Variants in LETM2 observed in about 807,000 individuals in gnomAD.
LETM2 encodes LETM1 domain-containing protein LETM2, mitochondrial.
Under a neutral mutation model 59.6 loss-of-function variants are expected in LETM2, and 58 were observed. The ratio of observed to expected loss-of-function variants is 0.97; its 90% CI spans 0.79 to 1.21. The LOEUF is 1.21. Among genes scored for constraint, LETM2 ranks in the 50% most tolerant of loss-of-function variants. LETM2 has a pLI of 0.00. For missense variants in LETM2, 572 were observed against 575.7 expected, an observed-to-expected ratio of 0.99 and a Z score of 0.07; for synonymous variants, 199 against 214.1, an observed-to-expected ratio of 0.93 and a Z score of 0.62.
chr8:38,404,821 C>T (rs1813583923), intron 8 of LETM2: 2 of 227,616 alleles, frequency 8.8e-6, no homozygotes, highest in South Asian at 1.2e-4. Flanking sequence ...CTCTACTAAA[C>T]ATACAAAAAT....
At chr8:38,383,486 T>G (rs142752036), upstream of LETM2, 6 of 152,338 alleles carry the variant, frequency 3.9e-5, no homozygotes, top group East Asian at 1.2e-3. Flanking sequence ...TAGTGCTGGA[T>G]GTCTTTGGTA....
intron 8 of LETM2, among the ~76,000 whole-genome samples, chr8:38,405,518 G>A (rs1813648149): frequency 6.6e-6 from 1 of 152,202 alleles, no homozygotes; most frequent in African/African-American, 2.4e-5. Context: ...ACAAGCCAAG[G>A]AAAATTATTT....
intron 6 of LETM2, chr8:38,401,772 C>T (rs765715685): frequency 3.3e-5 from 5 of 153,102 alleles, no homozygotes; most frequent in Non-Finnish European, 5.8e-5. Flanking sequence ...GGGTAGTTGG[C>T]TTGGTATGCA....
upstream of LETM2, among the ~76,000 whole-genome samples, chr8:38,384,773 T>G (rs1387828053): frequency 6.6e-6 from 1 of 152,222 alleles, no homozygotes; most frequent in Non-Finnish European, 1.5e-5. Context: ...TAGCTCATCT[T>G]TCAAATACTG....
intron 2 of LETM2, among the ~76,000 whole-genome samples, chr8:38,388,495 G>A (rs1208483553): frequency 6.6e-6 from 1 of 151,270 alleles, no homozygotes; most frequent in Non-Finnish European, 1.5e-5. Flanking sequence ...GCCAAGGCGA[G>A]CGGATTGCCT....
chr8:38,391,302 T>G (rs1812247557), intron 2 of LETM2, among the ~76,000 whole-genome samples: 1 of 137,702 alleles, frequency 7.3e-6, no homozygotes, highest in East Asian at 2.0e-4. Flanking sequence ...TTATTTTAGT[T>G]TTTTTTTTTT....
intron 4 of LETM2, among the ~76,000 whole-genome samples, chr8:38,395,138 G>A (rs565303208): frequency 4.1e-4 from 62 of 152,252 alleles, no homozygotes; most frequent in Middle Eastern, 3.4e-3. Flanking sequence ...AGGACACCTC[G>A]ATTGCTTCCA....
At chr8:38,391,687 C>G (rs1270555208) in intron 2 of LETM2, among the ~76,000 whole-genome samples, 1 of 150,564 alleles carries the variant, frequency 6.6e-6, no homozygotes, top group Non-Finnish European at 1.5e-5. Flanking sequence ...ATTGGGGTGC[C>G]CAATTCTAAT....
In LETM2 at chr8:38,407,446, A is replaced by G; in HGVS notation, c.1396A>G (p.Thr466Ala). The change falls in exon 10 of 11, where the codon ACT (threonine) becomes GCT (alanine). Residue 466 changes from threonine to alanine, a missense_variant. By Grantham distance (58) the Thr-to-Ala change is moderately conservative. Transcript: ENST00000379957. Reference sequence around the variant, plus strand: ...TATTTCATTACCTAAAGGACCCATCACTTCTTCTGAAGAACCTGTAAGTAT... The same window carrying G: ...TATTTCATTACCTAAAGGACCCATCGCTTCTTCTGAAGAACCTGTAAGTAT... ...TPISLPKGPI[T>A]SSEEPTLQAK... 3 of 1,602,392 alleles carry G rather than the reference A, an allele frequency of 1.9e-6. No individual in the cohort carries two copies. Among genetic ancestry groups the G allele is most frequent in the African/African-American group, 1.3e-5 (1 of 74,788 alleles).
intron 4 of LETM2, among the ~76,000 whole-genome samples, chr8:38,398,757 C>G (rs1175436395): frequency 7.4e-6 from 1 of 135,294 alleles, no homozygotes. Flanking sequence ...GAGTCTCGTG[C>G]TGTTGCCCAG....
chr8:38,398,463 C>T (rs1004472348), intron 4 of LETM2, among the ~76,000 whole-genome samples: 1 of 152,146 alleles, frequency 6.6e-6, no homozygotes, highest in African/African-American at 2.4e-5. Flanking sequence ...TTTCTGTTTA[C>T]ATCAGATCAC....
At chr8:38,397,020 G>A (rs1812740990) in intron 4 of LETM2, 2 of 440,548 alleles carry the variant, frequency 4.5e-6, no homozygotes, top group Admixed American at 5.2e-5. Flanking sequence ...CAGCCCCTGA[G>A]AAGAGGGAGC....
chr8:38,403,453 C>G (rs1813421775), intron 7 of LETM2, among the ~76,000 whole-genome samples: 1 of 152,252 alleles, frequency 6.6e-6, no homozygotes, highest in African/African-American at 2.4e-5. Context: ...CCCCACTTTG[C>G]CTGGTGGCCC....
intron 8 of LETM2, among the ~76,000 whole-genome samples, chr8:38,405,961 A>G (rs1392262647): frequency 6.6e-6 from 1 of 152,210 alleles, no homozygotes; most frequent in Non-Finnish European, 1.5e-5. Context: ...TTCTCCATGT[A>G]TATATACAAA....
Position 38,409,411 on chromosome 8 carries a change from C to T in LETM2, c.*1137C>T, listed in dbSNP as rs1025190490. Reference sequence around the variant, plus strand: ...TTGTGCTCCATCAGAGAAGCCCCACCATGTCCCACTAATGAAGCCCAGTTC... The same window carrying T: ...TTGTGCTCCATCAGAGAAGCCCCACTATGTCCCACTAATGAAGCCCAGTTC... On this transcript the variant is annotated 3_prime_UTR_variant, in exon 11 of 11. Coordinates refer to ENST00000379957, the MANE Select transcript of LETM2 (RefSeq NM_001286819.2). 6.6e-6 allele frequency: 1 copy of T among 152,204 alleles called. No homozygotes were observed. The highest frequency in any genetic ancestry group is 6.5e-5 in the Admixed American group (1 of 15,280). The allele number at this position is 152,204 out of a possible 1,614,324, so 9.4% of individuals were successfully genotyped here. A position where few individuals can be genotyped will look rare whatever the true frequency, so the allele number is the denominator to read the frequency against.
At position 38,401,163 on chromosome 8, in the gene LETM2, A is replaced by G. The variant is rs919378726; in HGVS notation, c.984+110A>G. 4.5e-6 allele frequency: 4 copies of G among 898,710 alleles called. No individual in the cohort carries two copies. The African/African-American group carries it at 6.7e-5, about 15-fold the overall frequency. 55.7% of individuals were successfully genotyped at this position (898,710 alleles called of 1,614,324 possible). On this transcript the variant is annotated intron_variant, in intron 6 of 10. Coordinates refer to ENST00000379957, the MANE Select transcript of LETM2 (RefSeq NM_001286819.2). ...TTTTGTTTTTGTTTTTGTTTTTGAGACAAAGTCTTGCTCTGTCACCCAGGC... is the reference window on the plus strand; with the variant it reads ...TTTTGTTTTTGTTTTTGTTTTTGAGGCAAAGTCTTGCTCTGTCACCCAGGC...
intron 7 of LETM2, 43 bp from the exon 8 acceptor site, chr8:38,404,350 T>C (rs1813518183): frequency 7.5e-7 from 1 of 1,339,564 alleles, no homozygotes; most frequent in African/African-American, 1.4e-5. Context: ...ACTCTGGCTC[T>C]GGTGTTCTGA....
chr8:38,406,076 C>T (rs1368513472), intron 8 of LETM2, among the ~76,000 whole-genome samples: 1 of 152,108 alleles, frequency 6.6e-6, no homozygotes, highest in Non-Finnish European at 1.5e-5. Context: ...CAAATTACTT[C>T]CAAAGCACAG....
rs1812392966 is a variant in LETM2 at position 38,392,710 on chromosome 8, A to G, written c.216A>G (p.Arg72=). 1 of 1,614,086 alleles carries G rather than the reference A, an allele frequency of 6.2e-7. No homozygotes were observed. The highest frequency in any genetic ancestry group is 1.3e-5 in the African/African-American group (1 of 74,924). ...ATACAGTACTTCACCCAGGAACTAGACTAATACAAAAGCTACACACATCCA... is the reference window on the plus strand; with the variant it reads ...ATACAGTACTTCACCCAGGAACTAGGCTAATACAAAAGCTACACACATCCA... The part of the protein sequence containing the change: ...PGNTVLHPGT[R]LIQKLHTSTC... Residue 72 remains arginine, a synonymous_variant, in exon 3 of 11, where the codon AGA becomes AGG. Coordinates refer to ENST00000379957, the MANE Select transcript of LETM2 (RefSeq NM_001286819.2).
Sources: gnomAD v4.1 joint callset for allele counts (sites outside exome capture counted in the v4.1 genomes callset) on GRCh38, gnomAD v4.1.1 for gene constraint, MANE v1.5 for transcripts, NCBI Gene and HGNC (gene_info 2026-07-23, HGNC 2026-07-21) for gene names.